Variants in MTUS2 observed in about 807,000 individuals in gnomAD.
MTUS2 encodes the protein microtubule-associated tumor suppressor candidate 2.
MTUS2 carries 40 observed loss-of-function variants against 114.1 expected under a neutral mutation model. That is an observed-to-expected ratio of 0.35 (90% CI 0.27 to 0.46). The LOEUF (loss-of-function observed/expected upper bound fraction) is 0.46. Ranked by LOEUF, MTUS2 falls within the 20% of genes least tolerant of loss-of-function variation. MTUS2 has a pLI of 1.00. For missense variants in MTUS2, 1,679 were observed against 1,705.4 expected (o/e 0.98, Z 0.27); for synonymous variants, 688 against 672.0 (o/e 1.02, Z -0.37).
At chr13:29,429,479 G>T (rs1876829736) in intron 8 of MTUS2, among the ~76,000 whole-genome samples, 1 of 152,212 alleles carries the variant, frequency 6.6e-6, no homozygotes, top group Non-Finnish European at 1.5e-5. Context: ...CTGAGGGTGT[G>T]TTCAAGTCTT....
At chr13:28,905,722 T>G (rs1274711255) in intron 2 of MTUS2, among the ~76,000 whole-genome samples, 6 of 151,582 alleles carry the variant, frequency 4.0e-5, no homozygotes, top group African/African-American at 7.3e-5. Flanking sequence ...TCTCTTTTTT[T>G]GTTGTGTCTC....
chr13:29,108,752 G>A (rs922111974), intron 5 of MTUS2, among the ~76,000 whole-genome samples: 2 of 152,166 alleles, frequency 1.3e-5, no homozygotes, highest in Non-Finnish European at 2.9e-5. Flanking sequence ...AAGTATCCAT[G>A]CATCCTGAGT....
intron 5 of MTUS2, among the ~76,000 whole-genome samples, chr13:29,151,964 G>A (rs2139042235): frequency 6.6e-6 from 1 of 152,200 alleles, no homozygotes; most frequent in Non-Finnish European, 1.5e-5. Flanking sequence ...TTGCATCTAT[G>A]TTCATTGGAT....
At chr13:29,222,904 C>G (rs924554273) in intron 5 of MTUS2, among the ~76,000 whole-genome samples, 22 of 152,234 alleles carry the variant, frequency 1.4e-4, no homozygotes, top group Non-Finnish European at 3.2e-4. Flanking sequence ...CTCAGGACAT[C>G]ACCAACATGC....
intron 5 of MTUS2, among the ~76,000 whole-genome samples, chr13:29,105,533 T>C (rs1927842): frequency 0.67 from 102,045 of 151,872 alleles, 34,992 homozygotes; most frequent in Non-Finnish European, 0.74. Context: ...GTTTCTCCTC[T>C]TCTTCCTCTC....
intron 5 of MTUS2, among the ~76,000 whole-genome samples, chr13:29,109,030 G>A (rs1014317168): frequency 6.6e-6 from 1 of 152,164 alleles, no homozygotes; most frequent in Admixed American, 6.5e-5. Context: ...TGTTGTGTAT[G>A]TTTGAACATT....
chr13:29,389,521 GTATA>G (rs1403463536), intron 8 of MTUS2, among the ~76,000 whole-genome samples: 2 of 35,372 alleles, frequency 5.7e-5, no homozygotes, highest in African/African-American at 1.2e-4. Flanking sequence ...GTGTGTATGT[GTATA>G]TATGTATACA....
At chr13:28,937,650 GC>G (rs1306056442) in intron 2 of MTUS2, among the ~76,000 whole-genome samples, 1 of 152,162 alleles carries the variant, frequency 6.6e-6, no homozygotes, top group Non-Finnish European at 1.5e-5. Flanking sequence ...CTCTGTCATG[GC>G]TGTCATCCTG....
chr13:29,192,385 G>A (rs571143704), intron 5 of MTUS2, among the ~76,000 whole-genome samples: 3 of 152,296 alleles, frequency 2.0e-5, no homozygotes, highest in South Asian at 4.1e-4. Context: ...AGATACCAGA[G>A]GCTGAGAAGA....
chr13:29,376,312 T>G (rs3125702), intron 8 of MTUS2, among the ~76,000 whole-genome samples: 141,798 of 152,108 alleles, frequency 0.93, 66,930 homozygotes, highest in East Asian at 1. Flanking sequence ...TGGTTCCAAG[T>G]TTTCTACATC....
chr13:29,385,875 C>T (rs1872600788), intron 8 of MTUS2, among the ~76,000 whole-genome samples: 1 of 152,172 alleles, frequency 6.6e-6, no homozygotes, highest in South Asian at 2.1e-4. Flanking sequence ...AGCACTGTCC[C>T]ACATGGGATG....
chr13:29,491,691 AGT>A (rs962900240), intron 11 of MTUS2, among the ~76,000 whole-genome samples: 8 of 108,898 alleles, frequency 7.3e-5, no homozygotes, highest in South Asian at 3.1e-4. Flanking sequence ...GTGTGTGTGG[AGT>A]GTGGTGTATT....
At chr13:29,055,988 AT>A (rs550787039) in intron 4 of MTUS2, among the ~76,000 whole-genome samples, 19 of 151,000 alleles carry the variant, frequency 1.3e-4, no homozygotes, top group Non-Finnish European at 2.5e-4. Context: ...GTTTGCAAAT[AT>A]TTTCTCTTAT....
At chr13:29,055,586 T>C (rs1471702087) in intron 4 of MTUS2, among the ~76,000 whole-genome samples, 1 of 152,114 alleles carries the variant, frequency 6.6e-6, no homozygotes, top group East Asian at 1.9e-4. Flanking sequence ...ACTCAATATC[T>C]AGCTTTCCCT....
chr13:29,248,106 A>T (rs1896991314), intron 5 of MTUS2, among the ~76,000 whole-genome samples: 3 of 152,262 alleles, frequency 2.0e-5, no homozygotes. Context: ...AACAACCTGG[A>T]TGGAACTGGA....
chr13:29,031,237 GGTGTGTGTGTGTGT>G (rs59288953), intron 3 of MTUS2, among the ~76,000 whole-genome samples: 3 of 122,886 alleles, frequency 2.4e-5, no homozygotes, highest in African/African-American at 6.1e-5. Flanking sequence ...AGAACTAATA[GGTGTGTGTGTGTGT>G]GTGTGTGTGT....
intron 8 of MTUS2, among the ~76,000 whole-genome samples, chr13:29,378,275 A>AT (rs1167461796): frequency 1.4e-5 from 2 of 138,078 alleles, no homozygotes; most frequent in African/African-American, 4.9e-5. Context: ...ACTGTATGTT[A>AT]ATTTTTATAA....
chr13:29,317,383 C>T (rs1900036290), intron 6 of MTUS2, among the ~76,000 whole-genome samples: 1 of 152,064 alleles, frequency 6.6e-6, no homozygotes, highest in African/African-American at 2.4e-5. Context: ...TCCTCTAGTC[C>T]TTGCATCTAA....
intron 2 of MTUS2, among the ~76,000 whole-genome samples, chr13:29,008,807 G>A (rs529825080): frequency 3.9e-5 from 6 of 152,176 alleles, no homozygotes; most frequent in Non-Finnish European, 7.4e-5. Flanking sequence ...GCTGTGCTTT[G>A]CATATTGTAA....
Sources: allele counts gnomAD v4.1 joint callset (sites outside exome capture counted in the v4.1 genomes callset), GRCh38; gene constraint gnomAD v4.1.1; transcripts MANE v1.5; gene names NCBI Gene and HGNC (gene_info 2026-07-23, HGNC 2026-07-21).